Variants in ABCB1 observed in about 807,000 individuals in gnomAD.
ABCB1 encodes the protein ATP-dependent translocase ABCB1.
Under a neutral mutation model 142.0 loss-of-function variants are expected in ABCB1, and 69 were observed. The ratio of observed to expected loss-of-function variants is 0.49; its 90% CI spans 0.40 to 0.59. The LOEUF (loss-of-function observed/expected upper bound fraction) is 0.59. ABCB1 is among the 20% of genes least tolerant of loss of function. The probability of loss-of-function intolerance (pLI) is 0.00; values close to 1 mark genes in which losing one functional copy is unlikely to be tolerated. For synonymous variants in ABCB1, 532 were observed against 539.2 expected, an observed-to-expected ratio of 0.99 and a Z score of 0.18; for missense variants, 1,326 against 1,554.7, an observed-to-expected ratio of 0.85 and a Z score of 2.47.
chr7:87,530,789 G>GC (rs1412902399), intron 21 of ABCB1, among the ~76,000 whole-genome samples: 4 of 132,798 alleles, frequency 3.0e-5, no homozygotes, highest in African/African-American at 1.2e-4. Context: ...TGAAAGAAAA[G>GC]AAAGAAAGCA....
Position 87,536,374 on chromosome 7 carries a change from AAC to A in ABCB1, c.2481+82_2481+83del. On this transcript the variant is annotated intron_variant, in intron 20 of 27. Coordinates refer to ENST00000622132, the MANE Select transcript of ABCB1 (RefSeq NM_001348946.2). ...CAACATTTTCTTAATGATGATAACT[AAC>A]ACCCGTAAGGAGAAAATTAGTTTCA... is the stretch of plus-strand genomic sequence containing the variant. 3 of 1,210,250 alleles carry A rather than the reference AAC, an allele frequency of 2.5e-6. No homozygotes were observed. The South Asian group carries it at 3.7e-5, about 15-fold the overall frequency. The allele number at this position is 1,210,250 out of a possible 1,614,324, so 75.0% of individuals were successfully genotyped here.
intron 1 of ABCB1, among the ~76,000 whole-genome samples, chr7:87,664,652 G>T (rs954007323): frequency 2.6e-5 from 4 of 152,258 alleles, no homozygotes; most frequent in Non-Finnish European, 5.9e-5. Context: ...GAATGGAGAT[G>T]ATAGAGGTGC....
chr7:87,587,477 A>T (rs1196768610), intron 3 of ABCB1, among the ~76,000 whole-genome samples: 7 of 152,254 alleles, frequency 4.6e-5, no homozygotes, highest in African/African-American at 1.7e-4. Flanking sequence ...TTGACAGTAC[A>T]GTGTATAGAA....
rs763961532 is a variant in ABCB1, at chr7:87,550,306, C to T, written c.1225-10G>A. On this transcript the variant is annotated splice_polypyrimidine_tract_variant and intron_variant, in intron 11 of 27. Coordinates refer to ENST00000622132, the MANE Select transcript of ABCB1 (RefSeq NM_001348946.2). ...TCAGACCCTTCAAGATCTACCAGGA[C>T]GAGTGAGAAAAAAACTTCAAGGCAA... 31 of 1,613,976 alleles carry T rather than the reference C, an allele frequency of 1.9e-5. No homozygotes were observed. Among genetic ancestry groups the T allele is most frequent in the Non-Finnish European group, 2.3e-5 (27 of 1,180,016 alleles).
chr7:87,665,483 A>G (rs1165123942), intron 1 of ABCB1, among the ~76,000 whole-genome samples: 1 of 152,130 alleles, frequency 6.6e-6, no homozygotes, highest in Non-Finnish European at 1.5e-5. Flanking sequence ...GGTTGGAAGA[A>G]TTTTTATTGT....
chr7:87,546,783 A>G (rs553270277), intron 14 of ABCB1, among the ~76,000 whole-genome samples: 5 of 152,142 alleles, frequency 3.3e-5, no homozygotes, highest in African/African-American at 1.2e-4. Flanking sequence ...CCAGACCTCA[A>G]TGTCACACTG....
intron 21 of ABCB1, among the ~76,000 whole-genome samples, chr7:87,530,190 C>T (rs768862883): frequency 6.6e-6 from 1 of 152,204 alleles, no homozygotes; most frequent in Non-Finnish European, 1.5e-5. Flanking sequence ...AGTCCCTGCC[C>T]TAACTCCTGG....
chr7:87,504,729 C>T (rs975426547), intron 27 of ABCB1, among the ~76,000 whole-genome samples: 3 of 150,080 alleles, frequency 2.0e-5, no homozygotes, highest in Admixed American at 1.3e-4. Flanking sequence ...GGTGTGAACC[C>T]GGGAGGCAGA....
intron 14 of ABCB1, among the ~76,000 whole-genome samples, chr7:87,547,607 C>G (rs568765323): frequency 2.0e-5 from 3 of 151,932 alleles, no homozygotes; most frequent in Non-Finnish European, 4.4e-5. Flanking sequence ...CGGTAGCTCA[C>G]GCGTGTAATC....
At chr7:87,590,816 G>T (rs1160596415) in intron 3 of ABCB1, among the ~76,000 whole-genome samples, 1 of 152,168 alleles carries the variant, frequency 6.6e-6, no homozygotes, top group Non-Finnish European at 1.5e-5. Flanking sequence ...AGCATTTAAT[G>T]GTTTTAAGGT....
rs559433141 is a variant in ABCB1 at position 87,703,101 on chromosome 7, G to A, written c.-331+10060C>T. 2.0e-5 allele frequency among the ~76,000 whole-genome samples: 3 copies of A among 152,016 alleles called. No homozygotes were observed. The South Asian group carries it at 6.3e-4, about 32-fold the overall frequency. On this transcript the variant is annotated intron_variant, in intron 1 of 28. Transcript: ENST00000265724. ...AAGTAGAAAATAAAGATTGAAAATT[G>A]ATATTTACAGTTTTAAGATGAAGAC...
At chr7:87,553,210 A>G (rs975560000) in intron 9 of ABCB1, among the ~76,000 whole-genome samples, 2 of 152,186 alleles carry the variant, frequency 1.3e-5, no homozygotes, top group African/African-American at 4.8e-5. Flanking sequence ...GAGATTGCTA[A>G]CGTTAATATT....
At chr7:87,550,680 G>A (rs1817021980) in intron 10 of ABCB1, 45 bp downstream of exon 10, 1 of 1,557,980 alleles carries the variant, frequency 6.4e-7, no homozygotes, top group Non-Finnish European at 8.9e-7. Flanking sequence ...TGACTTAACT[G>A]GACAATCTTT....
chr7:87,643,318 T>C (rs1822637800), intron 1 of ABCB1, among the ~76,000 whole-genome samples: 1 of 152,128 alleles, frequency 6.6e-6, no homozygotes, highest in Non-Finnish European at 1.5e-5. Flanking sequence ...TCAGGGAAGA[T>C]GGTTGGGACT....
chr7:87,645,520 T>C (rs187122522), intron 1 of ABCB1, among the ~76,000 whole-genome samples: 14 of 152,326 alleles, frequency 9.2e-5, no homozygotes, highest in Non-Finnish European at 1.8e-4. Flanking sequence ...AAACTTTTGA[T>C]TTTTAATTTT....
intron 1 of ABCB1, among the ~76,000 whole-genome samples, chr7:87,668,929 T>C (rs1825548108): frequency 6.6e-6 from 1 of 152,146 alleles, no homozygotes; most frequent in African/African-American, 2.4e-5. Flanking sequence ...TGCCATGTGG[T>C]GAGGAGAAGA....
At chr7:87,709,237 A>T (rs943691060) in intron 1 of ABCB1, 7 of 985,056 alleles carry the variant, frequency 7.1e-6, no homozygotes, top group Non-Finnish European at 8.4e-6. Flanking sequence ...ATCTAGTAAC[A>T]GCATAGTCTC....
intron 1 of ABCB1, among the ~76,000 whole-genome samples, chr7:87,664,436 T>C (rs1208294761): frequency 6.6e-6 from 1 of 152,160 alleles, no homozygotes; most frequent in Non-Finnish European, 1.5e-5. Flanking sequence ...CAGATGCTTA[T>C]TGTGAGATGA....
intron 26 of ABCB1, among the ~76,000 whole-genome samples, chr7:87,507,939 C>T (rs762237646): frequency 4.6e-5 from 7 of 152,034 alleles, no homozygotes; most frequent in Non-Finnish European, 8.8e-5. Flanking sequence ...ACATCAGGTA[C>T]TCATAGATGA....
Sources: allele counts gnomAD v4.1 joint callset (sites outside exome capture counted in the v4.1 genomes callset), GRCh38; gene constraint gnomAD v4.1.1; transcripts MANE v1.5; gene names NCBI Gene and HGNC (gene_info 2026-07-23, HGNC 2026-07-21).